Variants in ACAN observed in about 807,000 individuals in gnomAD.
The protein encoded by ACAN is aggrecan core protein.
A neutral mutation model predicts 169.1 loss-of-function variants in ACAN; 47 were observed. The ratio of observed to expected loss-of-function variants is 0.28; its 90% confidence interval spans 0.22 to 0.35. ACAN has a LOEUF of 0.35. ACAN is among the 10% of genes least tolerant of loss of function. The pLI is 1.00. For missense variants in ACAN, 2,716 were observed against 2,759.9 expected, an observed-to-expected ratio of 0.98 and a Z score of 0.36; for synonymous variants, 1,115 against 1,112.2, an observed-to-expected ratio of 1.00 and a Z score of -0.05.
intron 5 of ACAN, among the ~76,000 whole-genome samples, chr15:88,842,678 A>C (rs1896695255): frequency 6.6e-6 from 1 of 152,140 alleles, no homozygotes; most frequent in East Asian, 1.9e-4. Flanking sequence ...TTAGGTAACA[A>C]GTTATTTGTG....
chr15:88,862,820 A>G (rs1328804518), intron 13 of ACAN, among the ~76,000 whole-genome samples: 1 of 152,128 alleles, frequency 6.6e-6, no homozygotes, highest in Non-Finnish European at 1.5e-5. Context: ...CAATATGGTG[A>G]AACCCCATCT....
intron 11 of ACAN, 108 bp downstream of exon 11, chr15:88,852,141 T>C (rs1414281599): frequency 2.1e-6 from 3 of 1,452,354 alleles, no homozygotes; most frequent in Non-Finnish European, 2.8e-6. Flanking sequence ...TTGTGCTGTT[T>C]CCCCAGCCCT....
chr15:88,867,906 C>T (rs1596154153), intron 13 of ACAN, among the ~76,000 whole-genome samples: 2 of 152,210 alleles, frequency 1.3e-5, no homozygotes, highest in Non-Finnish European at 2.9e-5. Flanking sequence ...TCTATGTTCC[C>T]CGTCAGAAAA....
At chr15:88,817,410 G>T (rs2141506613) in intron 1 of ACAN, among the ~76,000 whole-genome samples, 1 of 152,098 alleles carries the variant, frequency 6.6e-6, no homozygotes, top group South Asian at 2.1e-4. Context: ...CCAAAGTGCT[G>T]GGATTATAGG....
rs763205569 is a variant in ACAN, at chr15:88,866,643, C to T, written c.6947-1573C>T. ...CCCAACAACTGGAGATTAGGGCCTT[C>T]GTGGATGAGCAAGATGCCTGAGAGC... On this transcript the variant is annotated intron_variant, in intron 13 of 18. Transcript: ENST00000560601. The surrounding 1 kb of genome is among the most constrained non-coding windows in gnomAD (Gnocchi z 5.6). 6.6e-6 allele frequency among the ~76,000 whole-genome samples: 1 copy of T among 151,992 alleles called. No individual in the cohort carries two copies.
intron 1 of ACAN, among the ~76,000 whole-genome samples, chr15:88,832,755 C>T (rs573949604): frequency 6.6e-6 from 1 of 152,370 alleles, no homozygotes; most frequent in South Asian, 2.1e-4. Flanking sequence ...GTCCAACCCT[C>T]ATCCTGGGAC....
In ACAN at chr15:88,852,028, T is replaced by C. The variant is rs577419060; in HGVS notation, c.2261T>C (p.Leu754Pro). The part of the protein sequence containing the change: ...PAYTPVGTSP[L>P]PGILPTWPPT... ...TATACCCCAGTGGGCACATCCCCGCTGCCAGGTTGGTATGGCTTGGGTTCT... is the reference window on the plus strand; with the variant it reads ...TATACCCCAGTGGGCACATCCCCGCCGCCAGGTTGGTATGGCTTGGGTTCT... Residue 754 changes from leucine (L) to proline (P), a missense_variant, in exon 11 of 19, where the codon CTG (leucine) becomes CCG (proline). Leu to Pro is a moderately conservative substitution (Grantham distance 98, BLOSUM62 -3). Coordinates refer to ENST00000560601, the MANE Select transcript of ACAN (RefSeq NM_001369268.1). 8.9e-5 allele frequency: 142 copies of C among 1,598,788 alleles called. No homozygotes were observed. The Admixed American group carries it at 2.4e-3, about 27-fold the overall frequency.
Position 88,874,431 on chromosome 15 carries a change from A to T in ACAN, c.7657A>T (p.Lys2553Ter). Residue 2553 changes from lysine to a stop codon, truncating the protein, a stop_gained, in exon 19 of 19, where the codon AAG becomes TAG. Coordinates refer to ENST00000560601, the MANE Select transcript of ACAN (RefSeq NM_001369268.1). LOFTEE classifies it high-confidence loss of function. This position sits in a 1 kb window ranked among gnomAD's most constrained non-coding sequence, Gnocchi z 7.3. The stretch of plus-strand genomic sequence containing the variant: ...CACCACCTACAAACGCAGACTACAG[A>T]AGCGGAGCTCACGGCACCCTCGGAG... ...DPTTYKRRLQ[K>*]RSSRHPRRSR... The T allele has an allele frequency of 6.2e-7, 1 of 1,607,494 alleles. No individual in the cohort carries two copies. Among genetic ancestry groups the T allele is most frequent in the Non-Finnish European group, 8.5e-7 (1 of 1,177,358 alleles).
rs574995007 is a variant in ACAN, at chr15:88,866,377, G to A, written c.6947-1839G>A. Among the ~76,000 whole-genome samples, 13 of 152,266 alleles carry A rather than the reference G, an allele frequency of 8.5e-5. No individual in the cohort carries two copies. Among genetic ancestry groups the A allele is most frequent in the Admixed American group, 7.9e-4 (12 of 15,286 alleles). ...CCCATAATGACGCTAATGGATAAAAGAGAACAGGCAGGAGAGCCGCCCCCA... is the reference window on the plus strand; with the variant it reads ...CCCATAATGACGCTAATGGATAAAAAAGAACAGGCAGGAGAGCCGCCCCCA... On this transcript the variant is annotated intron_variant, in intron 13 of 18. Coordinates refer to ENST00000560601, the MANE Select transcript of ACAN (RefSeq NM_001369268.1). The surrounding 1 kb of genome is among the most constrained non-coding windows in gnomAD (Gnocchi z 5.6).
Position 88,851,535 on chromosome 15 carries a change from G to A in ACAN, c.2027-259G>A. On this transcript the variant is annotated intron_variant, in intron 10 of 18. Transcript: ENST00000560601. The surrounding 1 kb of genome is among the most constrained non-coding windows in gnomAD (Gnocchi z 4.3). ...GTGATTTTAGATACACAAGGCTTTA[G>A]AGCAATGCCCGGCATATATGGTCAA... The A allele has an allele frequency of 2.3e-6, 1 of 430,240 alleles. No homozygotes were observed. 26.7% of individuals were successfully genotyped at this position (430,240 alleles called of 1,614,324 possible).
In ACAN at chr15:88,872,267, A is replaced by G. The variant is rs1366393571; in HGVS notation, c.7302+182A>G. 6.6e-6 allele frequency among the ~76,000 whole-genome samples: 1 copy of G among 152,218 alleles called. No homozygotes were observed. The highest frequency in any genetic ancestry group is 1.5e-5 in the Non-Finnish European group (1 of 68,022). ...TCTGGAACCCAGCCCGGGGCTGGAC[A>G]GATTGAGCTAATGATGGCAAGAGGC... On this transcript the variant is annotated intron_variant, in intron 16 of 18. Coordinates refer to ENST00000560601, the MANE Select transcript of ACAN (RefSeq NM_001369268.1). The surrounding 1 kb of genome is among the most constrained non-coding windows in gnomAD (Gnocchi z 5.4).
chr15:88,875,341 A>T lies in ACAN; in HGVS notation c.*860A>T, dbSNP rs543306353. On this transcript the variant is annotated 3_prime_UTR_variant, in exon 19 of 19. Coordinates refer to ENST00000560601, the MANE Select transcript of ACAN (RefSeq NM_001369268.1). This position sits in a 1 kb window ranked among gnomAD's most constrained non-coding sequence, Gnocchi z 4.8. ...TTATAATATTATAATAATAATAAAG[A>T]CATTGGAAGAGATCTATCTCTTTTC... 63 of 152,478 alleles carry T rather than the reference A, an allele frequency of 4.1e-4. No individual in the cohort carries two copies. Among genetic ancestry groups the T allele is most frequent in the South Asian group, 1.9e-3 (9 of 4,814 alleles). The allele number at this position is 152,478 out of a possible 1,614,324, so 9.4% of individuals were successfully genotyped here.
At chr15:88,820,652 C>CT (rs1037468666) in intron 1 of ACAN, among the ~76,000 whole-genome samples, 1 of 152,144 alleles carries the variant, frequency 6.6e-6, no homozygotes, top group Non-Finnish European at 1.5e-5. Context: ...AATCCTACCT[C>CT]TTTTTTGAAG....
chr15:88,822,880 C>T (rs1467104138), intron 1 of ACAN, among the ~76,000 whole-genome samples: 1 of 152,210 alleles, frequency 6.6e-6, no homozygotes, highest in Non-Finnish European at 1.5e-5. Flanking sequence ...ACTCCAAGAA[C>T]CCGAGCATCT....
In ACAN at chr15:88,866,035, T is replaced by G. The variant is rs1378727020; in HGVS notation, c.6947-2181T>G. On this transcript the variant is annotated intron_variant, in intron 13 of 18. Coordinates refer to ENST00000560601, the MANE Select transcript of ACAN (RefSeq NM_001369268.1). This position sits in a 1 kb window ranked among gnomAD's most constrained non-coding sequence, Gnocchi z 5.6. ...AAAAAAAAATTCTGAGCCCCGGAAT[T>G]TGTTCCTTCAGTCCCCGCAGCCTTC... Among the ~76,000 whole-genome samples, 2 of 152,112 alleles carry G rather than the reference T, an allele frequency of 1.3e-5. No individual in the cohort carries two copies. Among genetic ancestry groups the G allele is most frequent in the Non-Finnish European group, 2.9e-5 (2 of 68,022 alleles).
rs1277357958 is a variant in ACAN at position 88,839,403 on chromosome 15, G to A, written c.454+357G>A. ...AATGAGTCAGAGCAGTCTCCTGACA[G>A]TTCATCCTGGTGTCTTTTCCCTCCC... On this transcript the variant is annotated intron_variant, in intron 3 of 18. Coordinates refer to ENST00000560601, the MANE Select transcript of ACAN (RefSeq NM_001369268.1). The surrounding 1 kb of genome is among the most constrained non-coding windows in gnomAD (Gnocchi z 4.5). Among the ~76,000 whole-genome samples, 1 of 152,216 alleles carries A rather than the reference G, an allele frequency of 6.6e-6. No homozygotes were observed. The highest frequency in any genetic ancestry group is 2.4e-5 in the African/African-American group (1 of 41,456).
At chr15:88,809,177 C>T (rs1354840453) in intron 1 of ACAN, among the ~76,000 whole-genome samples, 2 of 152,146 alleles carry the variant, frequency 1.3e-5, no homozygotes, top group African/African-American at 2.4e-5. Context: ...AGCATCCACA[C>T]GTGTGATCAG....
intron 1 of ACAN, among the ~76,000 whole-genome samples, chr15:88,825,601 G>A (rs1186335456): frequency 1.3e-5 from 2 of 152,224 alleles, no homozygotes; most frequent in African/African-American, 4.8e-5. Flanking sequence ...GTCCAAAGTG[G>A]ACCTCAGAGA....
At chr15:88,819,087 G>C (rs1334783431) in intron 1 of ACAN, among the ~76,000 whole-genome samples, 2 of 152,186 alleles carry the variant, frequency 1.3e-5, no homozygotes, top group African/African-American at 4.8e-5. Flanking sequence ...AGCTGCTCTG[G>C]CATCCTGTTG....
Sources: allele counts gnomAD v4.1 joint callset (sites outside exome capture counted in the v4.1 genomes callset), GRCh38; gene constraint gnomAD v4.1.1; non-coding constraint Gnocchi (gnomAD v3.1); transcripts MANE v1.5; gene names NCBI Gene and HGNC (gene_info 2026-07-23, HGNC 2026-07-21).